The following APOBEC3G variants were observed in gnomAD, a reference collection of about 807,000 sequenced individuals.
The protein encoded by APOBEC3G is apolipoprotein B mRNA editing enzyme catalytic subunit 3G.
APOBEC3G carries 44 observed loss-of-function variants against 50.0 expected under a neutral mutation model. That is an observed-to-expected ratio of 0.88 (90% CI 0.69 to 1.13). The LOEUF (loss-of-function observed/expected upper bound fraction) is 1.13. Among genes scored for constraint, APOBEC3G ranks in the 50% most tolerant of loss-of-function variants. The pLI is 0.00. For missense variants in APOBEC3G, 469 were observed against 492.0 expected, an observed-to-expected ratio of 0.95 and a Z score of 0.44; for synonymous variants, 156 against 175.3, an observed-to-expected ratio of 0.89 and a Z score of 0.87.
Position 39,080,955 on chromosome 22 carries a change from A to G in APOBEC3G, c.194A>G (p.His65Arg), listed in dbSNP as rs1335618065. 6.2e-7 allele frequency: 1 copy of G among 1,611,750 alleles called. No homozygotes were observed. The highest frequency in any genetic ancestry group is 1.7e-5 in the Admixed American group (1 of 59,674). ...CAGGTGTATTCCGAACTTAAGTACC[A>G]CCCAGAGATGAGATTCTTCCACTGG... ...RGQVYSELKYHPEMRFFHWFS... is the reference protein window; with the variant it reads ...RGQVYSELKYRPEMRFFHWFS... Residue 65 changes from histidine (H) to arginine (R), a missense_variant, in exon 3 of 8, where the codon CAC becomes CGC. Transcript: ENST00000407997.
intron 2 of APOBEC3G, chr22:39,079,323 T>A: frequency 9.2e-6 from 2 of 216,582 alleles, no homozygotes; most frequent in Admixed American, 6.1e-5. Context: ...TTCTTTTTTC[T>A]TTTTTTTTTT....
Position 39,081,496 on chromosome 22 carries a change from C to G in APOBEC3G, c.492C>G (p.Phe164Leu). The change falls in exon 4 of 8, where the codon TTC becomes TTG. Residue 164 changes from phenylalanine (F) to leucine (L), a missense_variant. Coordinates refer to ENST00000407997, the MANE Select transcript of APOBEC3G (RefSeq NM_021822.4). ...AATTTCAGCACTGTTGGAGCAAGTT[C>G]GTGTACAGCCAAAGAGAGCTATTTG... ...YDEFQHCWSK[F>L]VYSQRELFEP... 6.2e-7 allele frequency: 1 copy of G among 1,614,092 alleles called. No homozygotes were observed. Among genetic ancestry groups the G allele is most frequent in the Non-Finnish European group, 8.5e-7 (1 of 1,179,990 alleles).
At chr22:39,083,658 C>T (rs375972400) in intron 4 of APOBEC3G, 73 bp from the exon 5 acceptor site, 80 of 1,523,624 alleles carry the variant, frequency 5.3e-5, no homozygotes, top group East Asian at 3.7e-4. Flanking sequence ...AGGGAGGAAG[C>T]GTGGAGAGGG....
chr22:39,080,174 G>T, intron 2 of APOBEC3G: 1 of 671,502 alleles, frequency 1.5e-6, no homozygotes, highest in East Asian at 1.2e-4. Flanking sequence ...GGTCCAGTGG[G>T]CTCCCCACTG....
At chr22:39,081,783 C>G (rs923757535) in intron 4 of APOBEC3G, 198 bp downstream of exon 4, 5 of 541,924 alleles carry the variant, frequency 9.2e-6, no homozygotes, top group Non-Finnish European at 1.6e-5. Flanking sequence ...CTCCCACCTG[C>G]TTTCCTGGGC....
chr22:39,085,899 G>GGAAAA (rs111366396), intron 5 of APOBEC3G, among the ~76,000 whole-genome samples: 2 of 152,154 alleles, frequency 1.3e-5, no homozygotes, highest in Non-Finnish European at 2.9e-5. Flanking sequence ...AGAAAAGAAA[G>GGAAAA]GAAAAGAAAA....
chr22:39,078,961 C>T lies in APOBEC3G; in HGVS notation c.47C>T (p.Thr16Ile). The part of the protein sequence containing the change: ...RNTVERMYRD[T>I]FSYNFYNRPI... ...ACAGTGGAGCGAATGTATCGAGACA[C>T]ATTCTCCTACAACTTTTATAATAGA... The change falls in exon 2 of 8, where the codon ACA becomes ATA. Residue 16 changes from threonine (T) to isoleucine (I), a missense_variant. By Grantham distance (89) the Thr-to-Ile change is moderately conservative. Transcript: ENST00000407997. 1 of 1,614,092 alleles carries T rather than the reference C, an allele frequency of 6.2e-7. No homozygotes were observed. Among genetic ancestry groups the T allele is most frequent in the Non-Finnish European group, 8.5e-7 (1 of 1,179,976 alleles).
intron 2 of APOBEC3G, 76 bp from the exon 3 acceptor site, chr22:39,080,857 C>G (rs1048275662): frequency 1.6e-6 from 2 of 1,264,260 alleles, no homozygotes; most frequent in Non-Finnish European, 2.2e-6. Context: ...GTCCTGGCCC[C>G]TCCTCCCCCT....
At chr22:39,086,965 C>A in intron 6 of APOBEC3G, 46 bp from the exon 7 acceptor site, 1 of 1,555,726 alleles carries the variant, frequency 6.4e-7, no homozygotes, top group Non-Finnish European at 8.7e-7. Context: ...GGTGCCACCA[C>A]GATCCCACAG....
At position 39,086,305 on chromosome 22, in the gene APOBEC3G, A is replaced by G. The variant is rs758618362; in HGVS notation, c.762A>G (p.Glu254=). The change falls in exon 6 of 8, where the codon GAA becomes GAG. Residue 254 remains glutamate (E), a synonymous_variant. Coordinates refer to ENST00000407997, the MANE Select transcript of APOBEC3G (RefSeq NM_021822.4). ...NQAPHKHGFL[E]GRHAELCFLD... Reference sequence around the variant, plus strand: ...CTCCACATAAACACGGTTTCCTTGAAGGCCGCCATGCAGAGCTGTGCTTCC... The same window carrying G: ...CTCCACATAAACACGGTTTCCTTGAGGGCCGCCATGCAGAGCTGTGCTTCC... 2 of 1,590,610 alleles carry G rather than the reference A, an allele frequency of 1.3e-6. No individual in the cohort carries two copies. Among genetic ancestry groups the G allele is most frequent in the South Asian group, 2.2e-5 (2 of 88,998 alleles).
intron 6 of APOBEC3G, 51 bp downstream of exon 6, chr22:39,086,618 C>T (rs372449819): frequency 1.2e-5 from 19 of 1,533,016 alleles, no homozygotes; most frequent in Non-Finnish European, 1.4e-5. Context: ...CAGGAGAGGG[C>T]CCCGGGAAGT....
At position 39,086,481 on chromosome 22, in the gene APOBEC3G, G is replaced by T; in HGVS notation, c.938G>T (p.Arg313Leu). The change falls in exon 6 of 8, where the codon CGC becomes CTC. Residue 313 changes from arginine (R) to leucine (L), a missense_variant. Physicochemically the swap from Arg to Leu is moderately radical, Grantham distance 102. Transcript: ENST00000407997. The stretch of plus-strand genomic sequence containing the variant: ...GTGAGCCTGTGCATCTTCACTGCCC[G>T]CATCTATGATGATCAAGGAAGATGT... Reference protein sequence around the residue: ...KHVSLCIFTARIYDDQGRCQE... With the variant: ...KHVSLCIFTALIYDDQGRCQE... 1.2e-6 allele frequency: 2 copies of T among 1,614,146 alleles called. No homozygotes were observed. The highest frequency in any genetic ancestry group is 1.1e-5 in the South Asian group (1 of 91,076).
In APOBEC3G at chr22:39,081,378, C is replaced by G. The variant is rs1928445823; in HGVS notation, c.467-93C>G. On this transcript the variant is annotated intron_variant, in intron 3 of 7. Transcript: ENST00000407997. ...GGGTTGGGTCTGGCGCTGACTGTAACTAGTATCTAGAATATGTCTGGGAGG... is the reference window on the plus strand; with the variant it reads ...GGGTTGGGTCTGGCGCTGACTGTAAGTAGTATCTAGAATATGTCTGGGAGG... 41 of 1,527,858 alleles carry G rather than the reference C, an allele frequency of 2.7e-5. No individual in the cohort carries two copies. In the South Asian group the frequency reaches 4.9e-4, roughly 18 times the overall value. 94.6% of individuals were successfully genotyped at this position (1,527,858 alleles called of 1,614,324 possible).
At position 39,087,495 on chromosome 22, in the gene APOBEC3G, A is replaced by G; in HGVS notation, c.*74A>G. ...AGAATAAAAGATCTTCTTCCAAGAA[A>G]TGCAAACAGGCTGTTCACCACCATC... On this transcript the variant is annotated 3_prime_UTR_variant, in exon 8 of 8. Transcript: ENST00000407997. 3 of 1,613,042 alleles carry G rather than the reference A, an allele frequency of 1.9e-6. No individual in the cohort carries two copies. Among genetic ancestry groups the G allele is most frequent in the Non-Finnish European group, 2.5e-6 (3 of 1,179,034 alleles).
In APOBEC3G at chr22:39,080,993, A is replaced by T. The variant is rs773578165; in HGVS notation, c.232A>T (p.Arg78Trp). 6.2e-7 allele frequency: 1 copy of T among 1,613,980 alleles called. No homozygotes were observed. Among genetic ancestry groups the T allele is most frequent in the South Asian group, 1.1e-5 (1 of 91,062 alleles). ...ATTCTTCCACTGGTTCAGCAAGTGG[A>T]GGAAGCTGCATCGTGACCAGGAGTA... ...MRFFHWFSKW[R>W]KLHRDQEYEV... The change falls in exon 3 of 8, where the codon AGG becomes TGG. Residue 78 changes from arginine (R) to tryptophan (W), a missense_variant. Physicochemically the swap from Arg to Trp is moderately radical, Grantham distance 101 (BLOSUM62 -3). Coordinates refer to ENST00000407997, the MANE Select transcript of APOBEC3G (RefSeq NM_021822.4).
intron 1 of APOBEC3G, among the ~76,000 whole-genome samples, chr22:39,078,318 A>G (rs1253251970): frequency 1.3e-5 from 2 of 152,180 alleles, no homozygotes; most frequent in South Asian, 2.1e-4. Context: ...AAAAAACTCA[A>G]TGATCAGGAG....
At chr22:39,084,020 G>T (rs1182863624) in intron 5 of APOBEC3G, 136 bp downstream of exon 5, 4 of 1,188,798 alleles carry the variant, frequency 3.4e-6, no homozygotes, top group Non-Finnish European at 4.6e-6. Context: ...GCTGCTGCTT[G>T]GCCCTGGGGT....
At chr22:39,084,411 C>T (rs752773675) in intron 5 of APOBEC3G, among the ~76,000 whole-genome samples, 15 of 152,108 alleles carry the variant, frequency 9.9e-5, no homozygotes, top group South Asian at 2.1e-4. Context: ...CCTGTAGTCC[C>T]AGCTATTCAG....
At chr22:39,080,271 G>T in intron 2 of APOBEC3G, 1 of 702,832 alleles carries the variant, frequency 1.4e-6, no homozygotes, top group Non-Finnish European at 1.8e-6. Context: ...CTGGGAGAAT[G>T]GATGCTAGAA....
Sources: allele counts gnomAD v4.1 joint callset (sites outside exome capture counted in the v4.1 genomes callset), GRCh38; gene constraint gnomAD v4.1.1; transcripts MANE v1.5; gene names NCBI Gene and HGNC (gene_info 2026-07-23, HGNC 2026-07-21).